CNTN4: variants seen among roughly 807,000 people sequenced by gnomAD.
CNTN4 encodes contactin-4.
CNTN4 carries 77 observed loss-of-function variants against 122.5 expected under a neutral mutation model. The observed-to-expected ratio is 0.63, with a 90% CI of 0.52 to 0.76. CNTN4 has a LOEUF of 0.76. Ranked by LOEUF, CNTN4 falls within the 30% of genes least tolerant of loss-of-function variation. The probability of loss-of-function intolerance (pLI) is 0.00; values close to 1 mark genes in which losing one functional copy is unlikely to be tolerated. For synonymous variants in CNTN4, 512 were observed against 447.0 expected (o/e 1.15, Z -1.83); for missense variants, 1,256 against 1,259.1 (o/e 1.00, Z 0.04).
chr3:2,811,975 A>T lies in CNTN4; in HGVS notation c.359-7511A>T, dbSNP rs1304464352. Among the ~76,000 whole-genome samples, 5 of 152,276 alleles carry T rather than the reference A, an allele frequency of 3.3e-5. 1 individual carries two copies. The East Asian group carries it at 7.7e-4, about 24-fold the overall frequency. On this transcript the variant is annotated intron_variant, in intron 6 of 24. Transcript: ENST00000418658. ...GCCACTGTGCCCAGCCAAAAATCACATATATTTACATCCTTTAAAAAAGGT... is the reference window on the plus strand; with the variant it reads ...GCCACTGTGCCCAGCCAAAAATCACTTATATTTACATCCTTTAAAAAAGGT...
intron 10 of CNTN4, among the ~76,000 whole-genome samples, chr3:2,890,412 A>G (rs916559998): frequency 1.3e-5 from 2 of 152,202 alleles, no homozygotes; most frequent in African/African-American, 2.4e-5. Flanking sequence ...TCACTTATCC[A>G]TGAACATTCT....
rs1433751288 is a variant in CNTN4, at chr3:2,701,662, C to A, written c.56-34553C>A. 2.6e-5 allele frequency among the ~76,000 whole-genome samples: 4 copies of A among 152,236 alleles called. No homozygotes were observed. The East Asian group carries it at 7.7e-4, about 29-fold the overall frequency. ...AGCAGTGGTAACATCCTTAGCCCCACCCCATGTTTTACAGATGAGATAACT... is the reference window on the plus strand; with the variant it reads ...AGCAGTGGTAACATCCTTAGCCCCAACCCATGTTTTACAGATGAGATAACT... On this transcript the variant is annotated intron_variant, in intron 4 of 24. Transcript: ENST00000418658.
chr3:3,035,089 C>T (rs1050149129), intron 17 of CNTN4, among the ~76,000 whole-genome samples: 4 of 152,186 alleles, frequency 2.6e-5, no homozygotes, highest in South Asian at 4.2e-4. Context: ...GGATGGATCG[C>T]GTGAGCCCAG....
At chr3:2,574,109 G>C (rs1378577556) in intron 4 of CNTN4, among the ~76,000 whole-genome samples, 1 of 152,114 alleles carries the variant, frequency 6.6e-6, no homozygotes, top group Non-Finnish European at 1.5e-5. Context: ...CCAGCTACTT[G>C]GGAGGCTAAG....
chr3:2,620,311 G>A (rs1338641742), intron 4 of CNTN4, among the ~76,000 whole-genome samples: 1 of 152,034 alleles, frequency 6.6e-6, no homozygotes, highest in Non-Finnish European at 1.5e-5. Flanking sequence ...ACCAGCCTGG[G>A]CAACACAGCA....
At chr3:2,569,475 C>T (rs1278749552) in intron 3 of CNTN4, among the ~76,000 whole-genome samples, 1 of 152,134 alleles carries the variant, frequency 6.6e-6, no homozygotes, top group Non-Finnish European at 1.5e-5. Context: ...ATCAAAATAT[C>T]ACATTGTATA....
At chr3:2,968,200 C>A (rs926929690) in intron 13 of CNTN4, among the ~76,000 whole-genome samples, 2 of 152,172 alleles carry the variant, frequency 1.3e-5, no homozygotes, top group Non-Finnish European at 2.9e-5. Context: ...AGAAAAATCA[C>A]TTTTTAAGTT....
At chr3:3,055,607 C>T (rs551798002) in intron 24 of CNTN4, among the ~76,000 whole-genome samples, 2 of 152,300 alleles carry the variant, frequency 1.3e-5, no homozygotes, top group East Asian at 3.9e-4. Flanking sequence ...TTTAGACAGA[C>T]ATGGGTTTGA....
chr3:2,259,957 C>G (rs1360055388), intron 2 of CNTN4, among the ~76,000 whole-genome samples: 1 of 152,082 alleles, frequency 6.6e-6, no homozygotes, highest in Non-Finnish European at 1.5e-5. Context: ...GAATGTCACT[C>G]TTTGTTATTT....
intron 2 of CNTN4, among the ~76,000 whole-genome samples, chr3:2,233,284 T>C (rs2039557445): frequency 6.6e-6 from 1 of 152,138 alleles, no homozygotes; most frequent in Non-Finnish European, 1.5e-5. Context: ...TAAAATCATA[T>C]GAATATTGAG....
At chr3:2,256,057 GA>G (rs2040577307) in intron 2 of CNTN4, among the ~76,000 whole-genome samples, 1 of 151,930 alleles carries the variant, frequency 6.6e-6, no homozygotes, top group Admixed American at 6.6e-5. Context: ...GACTAATAAA[GA>G]AGAAAAGAGA....
intron 2 of CNTN4, among the ~76,000 whole-genome samples, chr3:2,121,136 C>T (rs2033755091): frequency 6.6e-6 from 1 of 151,498 alleles, no homozygotes. Context: ...TTCTTTCCTT[C>T]TTTTTTCCCC....
At chr3:2,951,195 G>T (rs2094739253) in intron 13 of CNTN4, among the ~76,000 whole-genome samples, 1 of 152,170 alleles carries the variant, frequency 6.6e-6, no homozygotes, top group Admixed American at 6.5e-5. Context: ...ATATAGACCA[G>T]TGGTCCCCTT....
At chr3:2,748,631 A>G (rs543911488) in intron 6 of CNTN4, among the ~76,000 whole-genome samples, 3 of 152,344 alleles carry the variant, frequency 2.0e-5, no homozygotes, top group South Asian at 4.1e-4. Context: ...CAAATATACT[A>G]TAATCGAACT....
intron 4 of CNTN4, among the ~76,000 whole-genome samples, chr3:2,714,583 C>T (rs1262859401): frequency 6.6e-6 from 1 of 152,100 alleles, no homozygotes; most frequent in Non-Finnish European, 1.5e-5. Context: ...CAAACAAGTA[C>T]TCAGCCCCAA....
chr3:2,776,252 A>G (rs1432067770), intron 6 of CNTN4, among the ~76,000 whole-genome samples: 1 of 143,250 alleles, frequency 7.0e-6, no homozygotes, highest in Non-Finnish European at 1.5e-5. Flanking sequence ...GTTAACAGCA[A>G]TTTGATTGGT....
chr3:2,891,415 C>T (rs558568870), intron 10 of CNTN4, among the ~76,000 whole-genome samples: 1 of 151,982 alleles, frequency 6.6e-6, no homozygotes, highest in South Asian at 2.1e-4. Context: ...CCACTGCACT[C>T]CAGCCTGGGC....
chr3:2,306,460 G>A (rs1666348), intron 2 of CNTN4, among the ~76,000 whole-genome samples: 46,037 of 151,676 alleles, frequency 0.3, 8,211 homozygotes, highest in African/African-American at 0.5. Flanking sequence ...ATAAATGTCT[G>A]TTCAAATTTT....
intron 7 of CNTN4, among the ~76,000 whole-genome samples, chr3:2,836,199 A>G (rs1281710253): frequency 1.3e-5 from 2 of 152,180 alleles, no homozygotes; most frequent in African/African-American, 2.4e-5. Flanking sequence ...ATTATTATGG[A>G]AGGAATTGAA....
Sources: allele counts gnomAD v4.1 joint callset (sites outside exome capture counted in the v4.1 genomes callset), GRCh38; gene constraint gnomAD v4.1.1; transcripts MANE v1.5; gene names NCBI Gene and HGNC (gene_info 2026-07-23, HGNC 2026-07-21).